Variants in NLGN1 observed in about 807,000 individuals in gnomAD.
The protein encoded by NLGN1 is neuroligin 1.
In NLGN1, 12 loss-of-function variants were observed where a neutral mutation model predicts 65.5. The ratio of observed to expected loss-of-function variants is 0.18; its 90% CI spans 0.12 to 0.30. The LOEUF is 0.30. NLGN1 is among the 10% of genes least tolerant of loss of function. NLGN1 has a pLI of 1.00. For synonymous variants in NLGN1, 350 were observed against 359.5 expected (o/e 0.97, Z 0.30); for missense variants, 750 against 1,007.1 (o/e 0.74, Z 3.46).
intron 4 of NLGN1, among the ~76,000 whole-genome samples, chr3:174,036,937 C>CT (rs1164827380): frequency 6.6e-6 from 1 of 152,104 alleles, no homozygotes; most frequent in Non-Finnish European, 1.5e-5. Flanking sequence ...TGATGACATC[C>CT]TTTTTTATGT....
chr3:174,094,906 A>G (rs897437187), intron 4 of NLGN1, among the ~76,000 whole-genome samples: 19 of 152,130 alleles, frequency 1.2e-4, no homozygotes, highest in African/African-American at 4.3e-4. Flanking sequence ...ATAAATAGAA[A>G]GAGGCATAGA....
intron 3 of NLGN1, among the ~76,000 whole-genome samples, chr3:173,737,348 A>C (rs1430709169): frequency 6.6e-6 from 1 of 151,994 alleles, no homozygotes; most frequent in Non-Finnish European, 1.5e-5. Context: ...CCATCACCAC[A>C]ATACATTTTG....
chr3:173,532,020 A>G (rs567532690), intron 2 of NLGN1, among the ~76,000 whole-genome samples: 93 of 152,176 alleles, frequency 6.1e-4, no homozygotes, highest in South Asian at 6.2e-4. Context: ...CATTGCTTCA[A>G]TTTCCTCTTC....
intron 4 of NLGN1, among the ~76,000 whole-genome samples, chr3:174,142,074 T>C (rs2152690083): frequency 6.6e-6 from 1 of 152,326 alleles, no homozygotes; most frequent in South Asian, 2.1e-4. Context: ...TTTTTACTTT[T>C]GTGTTTATCA....
chr3:173,518,730 T>C (rs539317289), intron 2 of NLGN1, among the ~76,000 whole-genome samples: 1 of 152,238 alleles, frequency 6.6e-6, no homozygotes, highest in South Asian at 2.1e-4. Context: ...CTGGAACTTA[T>C]ATTTAAAGAG....
chr3:173,506,196 C>T (rs368093647), intron 2 of NLGN1, among the ~76,000 whole-genome samples: 29 of 151,788 alleles, frequency 1.9e-4, no homozygotes, highest in East Asian at 9.7e-4. Flanking sequence ...AACATACTTA[C>T]GAGAGAAAAG....
chr3:173,741,342 G>A (rs183547774), intron 3 of NLGN1, among the ~76,000 whole-genome samples: 7 of 152,068 alleles, frequency 4.6e-5, no homozygotes, highest in South Asian at 2.1e-4. Flanking sequence ...TAGACTTAAC[G>A]CCCAGGAAAT....
At chr3:174,045,961 G>A (rs1281710504) in intron 4 of NLGN1, among the ~76,000 whole-genome samples, 2 of 152,088 alleles carry the variant, frequency 1.3e-5, no homozygotes, top group African/African-American at 4.8e-5. Flanking sequence ...AGAAATCTGA[G>A]GAAAAGCATT....
At chr3:173,912,737 G>C (rs1347378574) in intron 4 of NLGN1, 2 of 152,166 alleles carry the variant, frequency 1.3e-5, no homozygotes, top group Admixed American at 1.3e-4. Context: ...GAAATTTTAT[G>C]ATATAATAAA....
At chr3:174,154,999 T>TA (rs1291913770) in intron 4 of NLGN1, among the ~76,000 whole-genome samples, 1,221 of 73,920 alleles carry the variant, frequency 0.017, 28 homozygotes, top group African/African-American at 0.093. Context: ...ATATTATATA[T>TA]ATTTATATAT....
intron 3 of NLGN1, among the ~76,000 whole-genome samples, chr3:173,704,973 A>T (rs1323068272): frequency 6.6e-6 from 1 of 152,132 alleles, no homozygotes; most frequent in South Asian, 2.1e-4. Context: ...CAGTACTTTC[A>T]ATCTTGACAA....
intron 4 of NLGN1, among the ~76,000 whole-genome samples, chr3:174,219,631 A>C (rs1434193904): frequency 3.9e-5 from 6 of 152,148 alleles, no homozygotes; most frequent in Non-Finnish European, 8.8e-5. Flanking sequence ...AGTACAACAA[A>C]ATAGATCTAT....
intron 1 of NLGN1, among the ~76,000 whole-genome samples, chr3:173,403,149 C>T (rs1370170125): frequency 6.6e-6 from 1 of 152,010 alleles, no homozygotes; most frequent in Non-Finnish European, 1.5e-5. Flanking sequence ...ATGTAGAATG[C>T]ATACTTTCAT....
downstream of NLGN1, among the ~76,000 whole-genome samples, chr3:174,286,840 A>G (rs1752178884): frequency 1.3e-5 from 2 of 151,456 alleles, no homozygotes; most frequent in South Asian, 4.2e-4. Context: ...TTTAGAGAAT[A>G]GATTTGGGGA....
At chr3:173,981,429 T>C (rs1340439824) in intron 4 of NLGN1, among the ~76,000 whole-genome samples, 2 of 152,058 alleles carry the variant, frequency 1.3e-5, no homozygotes, top group Non-Finnish European at 2.9e-5. Flanking sequence ...CCGTATGAAG[T>C]TGGTTTAGCT....
chr3:174,207,957 G>A (rs1735739792), intron 4 of NLGN1, among the ~76,000 whole-genome samples: 1 of 152,126 alleles, frequency 6.6e-6, no homozygotes, highest in South Asian at 2.1e-4. Context: ...CATGTATTTG[G>A]TTTGCTTTCT....
At chr3:174,185,586 A>G (rs1356932543) in intron 4 of NLGN1, among the ~76,000 whole-genome samples, 1 of 152,164 alleles carries the variant, frequency 6.6e-6, no homozygotes, top group Non-Finnish European at 1.5e-5. Context: ...CAATCATAGT[A>G]TGTACTCAGT....
At chr3:173,440,154 T>G (rs1375615860) in intron 2 of NLGN1, among the ~76,000 whole-genome samples, 1 of 152,184 alleles carries the variant, frequency 6.6e-6, no homozygotes, top group Non-Finnish European at 1.5e-5. Context: ...ATGCAACTCC[T>G]CATCCATTCA....
intron 3 of NLGN1, 69 bp downstream of exon 3, chr3:173,605,662 A>G: frequency 1.4e-6 from 1 of 716,674 alleles, no homozygotes; most frequent in Non-Finnish European, 2.1e-6. Flanking sequence ...TACTCTCCCT[A>G]AGGATGATTT....
Sources: allele counts gnomAD v4.1 joint callset (sites outside exome capture counted in the v4.1 genomes callset), GRCh38; gene constraint gnomAD v4.1.1; transcripts MANE v1.5; gene names NCBI Gene and HGNC (gene_info 2026-07-23, HGNC 2026-07-21).